The following MLLT1 variants were observed in gnomAD, a reference collection of about 807,000 sequenced individuals.
The protein encoded by MLLT1 is protein ENL.
A neutral mutation model predicts 55.1 loss-of-function variants in MLLT1; 11 were observed. The ratio of observed to expected loss-of-function variants is 0.20; its 90% CI spans 0.13 to 0.33. The LOEUF (loss-of-function observed/expected upper bound fraction) is 0.33. Among genes scored for constraint, MLLT1 ranks in the 10% least tolerant of loss-of-function variants. The pLI is 1.00. For missense variants in MLLT1, 536 were observed against 760.6 expected (o/e 0.70, Z 3.47); for synonymous variants, 323 against 320.1 (o/e 1.01, Z -0.10).
At position 6,212,165 on chromosome 19, in the gene MLLT1, T is replaced by C. The variant is rs912923379; in HGVS notation, c.*877A>G. 4 of 1,066,060 alleles carry C rather than the reference T, an allele frequency of 3.8e-6. No homozygotes were observed. Among genetic ancestry groups the C allele is most frequent in the African/African-American group, 1.6e-5 (1 of 61,036 alleles). 66.0% of individuals were successfully genotyped at this position (1,066,060 alleles called of 1,614,324 possible). A position where few individuals can be genotyped will look rare whatever the true frequency, so the allele number is the denominator to read the frequency against. ...CTGATGCGAGTCTGTCCGCGGAGAC[T>C]GTTGGCGCTAGTCTGAGTAGAGCCC... On this transcript the variant is annotated 3_prime_UTR_variant, in exon 12 of 12. Transcript: ENST00000252674.
At position 6,231,092 on chromosome 19, in the gene MLLT1, A is replaced by C. The variant is rs750484365; in HGVS notation, c.277-379T>G. Among the ~76,000 whole-genome samples, 1 of 152,170 alleles carries C rather than the reference A, an allele frequency of 6.6e-6. No homozygotes were observed. Among genetic ancestry groups the C allele is most frequent in the South Asian group, 2.1e-4 (1 of 4,826 alleles). ...CTGCCCCAGGCCTCTGAGGCCCACA[A>C]TCTCACCACCTCTATTCCCCACTTC... On this transcript the variant is annotated intron_variant, in intron 3 of 11. Transcript: ENST00000252674. The surrounding 1 kb of genome is among the most constrained non-coding windows in gnomAD (Gnocchi z 5.1).
At chr19:6,237,278 G>A (rs1355000682) in intron 3 of MLLT1, among the ~76,000 whole-genome samples, 5 of 152,150 alleles carry the variant, frequency 3.3e-5, no homozygotes, top group Non-Finnish European at 7.4e-5. Context: ...CACCCCACCT[G>A]GAGGACACCC....
At chr19:6,265,049 C>CAAAAAAAAAAAAAAAAAAAA (rs2091336941) in intron 2 of MLLT1, among the ~76,000 whole-genome samples, 1 of 23,302 alleles carries the variant, frequency 4.3e-5, no homozygotes, top group African/African-American at 9.9e-5. Context: ...AAAAAAAAAA[C>CAAAAAAAAAAAAAAAAAAAA]AAAAAAACAA....
chr19:6,274,028 C>A (rs1453202271), intron 1 of MLLT1, among the ~76,000 whole-genome samples: 1 of 152,246 alleles, frequency 6.6e-6, no homozygotes, highest in Non-Finnish European at 1.5e-5. Context: ...GCCGGCAGGC[C>A]GGGCCCAAAG....
intron 3 of MLLT1, among the ~76,000 whole-genome samples, chr19:6,233,716 C>T (rs2091033835): frequency 6.6e-6 from 1 of 152,244 alleles, no homozygotes; most frequent in South Asian, 2.1e-4. Flanking sequence ...CTCTTGCCTT[C>T]TTGTCCTGTA....
chr19:6,251,093 G>A (rs1437561243), intron 3 of MLLT1, among the ~76,000 whole-genome samples: 1 of 151,970 alleles, frequency 6.6e-6, no homozygotes, highest in African/African-American at 2.4e-5. Flanking sequence ...CAGTGGCGAT[G>A]GGGGGAACGG....
intron 7 of MLLT1, among the ~76,000 whole-genome samples, chr19:6,217,618 G>A (rs1306551414): frequency 6.6e-6 from 1 of 152,252 alleles, no homozygotes; most frequent in East Asian, 1.9e-4. Flanking sequence ...GGGCGGAGGA[G>A]GTGACGCCGT....
chr19:6,241,209 AC>A, intron 3 of MLLT1, among the ~76,000 whole-genome samples: 1 of 152,182 alleles, frequency 6.6e-6, no homozygotes, highest in Middle Eastern at 3.4e-3. Context: ...TCTACCCTGA[AC>A]TGAGGCCGCC....
chr19:6,274,421 G>A (rs1398468078), intron 1 of MLLT1, among the ~76,000 whole-genome samples: 1 of 152,142 alleles, frequency 6.6e-6, no homozygotes, highest in Non-Finnish European at 1.5e-5. Flanking sequence ...TGGCCATTAG[G>A]ACCAAAGAAT....
chr19:6,227,152 C>A lies in MLLT1; in HGVS notation c.421-50G>T. The A allele has an allele frequency of 1.3e-6, 2 of 1,554,416 alleles. No homozygotes were observed. Among genetic ancestry groups the A allele is most frequent in the Non-Finnish European group, 1.7e-6 (2 of 1,153,416 alleles). On this transcript the variant is annotated intron_variant, in intron 4 of 11. Transcript: ENST00000252674. This position sits in a 1 kb window ranked among gnomAD's most constrained non-coding sequence, Gnocchi z 5.1. ...TTATCGATGGGCAGGGGGCAGGGGG[C>A]CCACACGGGCCGGGCTGAAGGTGGT... is the stretch of plus-strand genomic sequence containing the variant.
chr19:6,211,299 T>G lies in MLLT1; in HGVS notation c.*1743A>C, dbSNP rs1182917591. On this transcript the variant is annotated 3_prime_UTR_variant, in exon 12 of 12. Coordinates refer to ENST00000252674, the MANE Select transcript of MLLT1 (RefSeq NM_005934.4). The surrounding 1 kb of genome is among the most constrained non-coding windows in gnomAD (Gnocchi z 4.6). ...AGGGGCCTGCCCTCTTCCTGATACC[T>G]GAAGGCAGTGGGGCCGGGAGAGAAA... The G allele has an allele frequency of 4.3e-6, 1 of 232,374 alleles. No homozygotes were observed. The highest frequency in any genetic ancestry group is 8.5e-6 in the Non-Finnish European group (1 of 117,388). The allele number at this position is 232,374 out of a possible 1,614,324, so 14.4% of individuals were successfully genotyped here.
intron 3 of MLLT1, among the ~76,000 whole-genome samples, chr19:6,245,801 AG>A (rs1438545912): frequency 6.6e-6 from 1 of 152,250 alleles, no homozygotes; most frequent in Non-Finnish European, 1.5e-5. Context: ...TGGGAGGCTA[AG>A]GCAGGAGGAC....
chr19:6,213,415 A>AC lies in MLLT1; in HGVS notation c.1480-8_1480-7insG. On this transcript the variant is annotated splice_polypyrimidine_tract_variant and splice_region_variant and intron_variant, in intron 10 of 11. Transcript: ENST00000252674. The stretch of plus-strand genomic sequence containing the variant: ...CCAGCTCATCCGTGTAGGCCTGGGG[A>AC]GGGGGGGCAGGTCTCAGCAGCGTGT... 6.2e-7 allele frequency: 1 copy of AC among 1,607,132 alleles called. No individual in the cohort carries two copies. The highest frequency in any genetic ancestry group is 8.5e-7 in the Non-Finnish European group (1 of 1,176,912).
intron 3 of MLLT1, among the ~76,000 whole-genome samples, chr19:6,251,060 T>C (rs2091208712): frequency 1.3e-5 from 2 of 151,616 alleles, no homozygotes; most frequent in Admixed American, 1.3e-4. Context: ...CAAGACACAA[T>C]ATAGATGAGT....
chr19:6,216,402 C>CA lies in MLLT1; in HGVS notation c.1307+2dup. ...CGCCCCCTGGCTCCCACCGGGCCGT[C>CA]ACCTGGAGTCCCTCCCCGGGTTGGT... is the stretch of plus-strand genomic sequence containing the variant. On this transcript the variant is annotated splice_region_variant and intron_variant, in intron 8 of 11. Transcript: ENST00000252674. The CA allele has an allele frequency of 1.9e-6, 3 of 1,601,624 alleles. No individual in the cohort carries two copies. Among genetic ancestry groups the CA allele is most frequent in the Non-Finnish European group, 2.6e-6 (3 of 1,175,004 alleles).
chr19:6,234,605 C>G (rs770275804), intron 3 of MLLT1, among the ~76,000 whole-genome samples: 1 of 152,274 alleles, frequency 6.6e-6, no homozygotes. Context: ...ACTTGGCCGA[C>G]AGCAGAGACG....
chr19:6,268,380 T>TA (rs1279830418), intron 2 of MLLT1, among the ~76,000 whole-genome samples: 3 of 141,234 alleles, frequency 2.1e-5, no homozygotes, highest in Non-Finnish European at 3.0e-5. Flanking sequence ...TGTCTACATT[T>TA]AAAAAATCAA....
chr19:6,272,251 C>A (rs945784858), intron 1 of MLLT1, among the ~76,000 whole-genome samples: 5 of 152,212 alleles, frequency 3.3e-5, no homozygotes, highest in African/African-American at 1.2e-4. Context: ...CAGGCGCACA[C>A]GTGCACACAC....
At chr19:6,223,927 C>A (rs558670448) in intron 5 of MLLT1, among the ~76,000 whole-genome samples, 1 of 152,160 alleles carries the variant, frequency 6.6e-6, no homozygotes, top group African/African-American at 2.4e-5. Flanking sequence ...CAATTGTGTA[C>A]CTGGCCTCCC....
Sources: gnomAD v4.1 joint callset for allele counts (sites outside exome capture counted in the v4.1 genomes callset) on GRCh38, gnomAD v4.1.1 for gene constraint, Gnocchi (gnomAD v3.1) non-coding constraint, MANE v1.5 for transcripts, NCBI Gene and HGNC (gene_info 2026-07-23, HGNC 2026-07-21) for gene names.